Variants in GPHN observed in about 807,000 individuals in gnomAD.
GPHN encodes gephyrin.
GPHN carries 17 observed loss-of-function variants against 95.5 expected under a neutral mutation model. That is an observed-to-expected ratio of 0.18 (90% CI 0.12 to 0.27). The LOEUF is 0.27. GPHN is among the 10% of genes least tolerant of loss of function. GPHN has a pLI of 1.00. For missense variants in GPHN, 660 were observed against 978.1 expected (o/e 0.67, Z 4.34); for synonymous variants, 320 against 322.5 (o/e 0.99, Z 0.08).
At chr14:67,287,163 G>A in the GPHN span, among the ~76,000 whole-genome samples, 1 of 152,054 alleles carries the variant, frequency 6.6e-6, no homozygotes, top group Non-Finnish European at 1.5e-5. Flanking sequence ...GGACTGCAGT[G>A]AGCCATGTTC....
At chr14:67,577,350 T>C in the GPHN span, 12 of 1,587,518 alleles carry the variant, frequency 7.6e-6, no homozygotes, top group Admixed American at 3.5e-5. Flanking sequence ...AAAGACGGCC[T>C]ATACGCCTCC....
chr14:67,586,211 T>C, the GPHN span: 1 of 1,286,900 alleles, frequency 7.8e-7, no homozygotes, highest in Non-Finnish European at 1.1e-6. Flanking sequence ...CCAGATAAAA[T>C]TGTTGGTCTT....
At chr14:66,888,389 A>G (rs1444295600) in intron 5 of GPHN, among the ~76,000 whole-genome samples, 1 of 152,208 alleles carries the variant, frequency 6.6e-6, no homozygotes, top group East Asian at 1.9e-4. Context: ...TGCATTTAAA[A>G]AATCAGTCTA....
chr14:67,626,523 CTT>C, the GPHN span, among the ~76,000 whole-genome samples: 1 of 149,822 alleles, frequency 6.7e-6, no homozygotes, highest in Non-Finnish European at 1.5e-5. Flanking sequence ...TTCACACAAA[CTT>C]TTTTTTTTAG....
chr14:67,250,235 A>G, the GPHN span, among the ~76,000 whole-genome samples: 4 of 152,184 alleles, frequency 2.6e-5, no homozygotes, highest in Admixed American at 1.3e-4. Context: ...CCTACTGGCA[A>G]TAAGTTTTAG....
At chr14:67,187,123 G>A in the GPHN span, among the ~76,000 whole-genome samples, 82 of 152,208 alleles carry the variant, frequency 5.4e-4, 3 homozygotes, top group South Asian at 0.016. Flanking sequence ...AAATATACAG[G>A]CTCTTGAGGT....
At chr14:66,792,327 A>AC (rs779544926) in intron 3 of GPHN, among the ~76,000 whole-genome samples, 3 of 151,836 alleles carry the variant, frequency 2.0e-5, no homozygotes, top group Non-Finnish European at 2.9e-5. Flanking sequence ...ACAAAATGAG[A>AC]CCCCATCTCT....
At chr14:67,422,479 T>A in the GPHN span, among the ~76,000 whole-genome samples, 7 of 152,226 alleles carry the variant, frequency 4.6e-5, no homozygotes, top group Admixed American at 4.6e-4. Flanking sequence ...CCGTGATGCC[T>A]GGCACATGGG....
At chr14:66,707,408 C>A (rs777823458) in intron 2 of GPHN, among the ~76,000 whole-genome samples, 2 of 152,186 alleles carry the variant, frequency 1.3e-5, no homozygotes, top group African/African-American at 2.4e-5. Flanking sequence ...GACATGGAAC[C>A]AACCCAAATG....
the GPHN span, chr14:67,225,003 C>T: frequency 0.091 from 73,408 of 810,094 alleles, 9,265 homozygotes; most frequent in East Asian, 0.41. Context: ...TCAAAATAAG[C>T]TCTTTCTCCT....
At chr14:67,155,181 T>C (rs1188339057) in intron 18 of GPHN, among the ~76,000 whole-genome samples, 4 of 152,220 alleles carry the variant, frequency 2.6e-5, no homozygotes, top group Non-Finnish European at 5.9e-5. Flanking sequence ...TGAAGGGCTA[T>C]GCTTTAGGAA....
chr14:67,412,755 G>T, the GPHN span, among the ~76,000 whole-genome samples: 2 of 151,914 alleles, frequency 1.3e-5, no homozygotes, highest in Non-Finnish European at 2.9e-5. Flanking sequence ...GAGATGATTG[G>T]TTTTTTGGGG....
intron 17 of GPHN, among the ~76,000 whole-genome samples, chr14:67,129,953 C>T (rs2079595707): frequency 6.6e-6 from 1 of 152,118 alleles, no homozygotes; most frequent in Non-Finnish European, 1.5e-5. Context: ...ATCTAGAATT[C>T]TACAAAATAA....
chr14:67,604,689 C>T, the GPHN span, among the ~76,000 whole-genome samples: 1 of 151,706 alleles, frequency 6.6e-6, no homozygotes, highest in Non-Finnish European at 1.5e-5. Flanking sequence ...GCCTGGGTAA[C>T]AGAGCGAGAA....
chr14:66,938,368 G>C (rs1299960346), intron 8 of GPHN, among the ~76,000 whole-genome samples: 1 of 152,112 alleles, frequency 6.6e-6, no homozygotes, highest in East Asian at 1.9e-4. Flanking sequence ...GCTTCCTCAT[G>C]TATCCAGAAA....
chr14:66,649,375 G>A (rs2094101), intron 1 of GPHN, among the ~76,000 whole-genome samples: 47,593 of 151,020 alleles, frequency 0.32, 11,470 homozygotes, highest in African/African-American at 0.65. Context: ...CCCGACCCCC[G>A]GACCATGGAC....
intron 8 of GPHN, among the ~76,000 whole-genome samples, chr14:66,939,518 C>G (rs2067299722): frequency 6.6e-6 from 1 of 152,068 alleles, no homozygotes; most frequent in South Asian, 2.1e-4. Context: ...ATCCTGCTAG[C>G]AGGTTTCCTG....
chr14:66,817,677 G>A (rs1308481552), intron 3 of GPHN, among the ~76,000 whole-genome samples: 3 of 152,134 alleles, frequency 2.0e-5, no homozygotes, highest in Admixed American at 1.3e-4. Context: ...TGGGTCTGGA[G>A]AATCTAAGCC....
intron 1 of GPHN, among the ~76,000 whole-genome samples, chr14:66,544,030 C>A (rs1011322089): frequency 6.6e-6 from 1 of 152,210 alleles, no homozygotes; most frequent in Non-Finnish European, 1.5e-5. Flanking sequence ...TAGGATCTGA[C>A]CACCTGTTAG....
Sources: allele counts gnomAD v4.1 joint callset (sites outside exome capture counted in the v4.1 genomes callset), GRCh38; gene constraint gnomAD v4.1.1; transcripts MANE v1.5; gene names NCBI Gene and HGNC (gene_info 2026-07-23, HGNC 2026-07-21).